Variants in GLUD1 observed in about 807,000 individuals in gnomAD.
GLUD1 encodes glutamate dehydrogenase 1, mitochondrial.
A neutral mutation model predicts 56.0 loss-of-function variants in GLUD1; 22 were observed. The ratio of observed to expected loss-of-function variants is 0.39; its 90% confidence interval spans 0.28 to 0.56. The LOEUF (loss-of-function observed/expected upper bound fraction) is 0.56, where lower values mean the gene tolerates loss of function less well. Ranked by LOEUF, GLUD1 falls within the 20% of genes least tolerant of loss-of-function variation. The pLI is 0.58. For missense variants in GLUD1, 451 were observed against 732.0 expected, an observed-to-expected ratio of 0.62 and a Z score of 4.43; for synonymous variants, 223 against 269.9, an observed-to-expected ratio of 0.83 and a Z score of 1.70.
chr10:87,074,905 T>C (rs1470627197), intron 3 of GLUD1, among the ~76,000 whole-genome samples: 1 of 152,198 alleles, frequency 6.6e-6, no homozygotes, highest in African/African-American at 2.4e-5. Flanking sequence ...ATAATTATAT[T>C]CCATTTAAAT....
rs1841646732 is a variant in GLUD1 at position 87,094,250 on chromosome 10, C to T, written c.445+75G>A. ...GCTGGGCTGGGCTGAGCAGCGGCCC[C>T]GCACCGGCAGGAGGCCGGAGGGGAG... On this transcript the variant is annotated intron_variant, in intron 1 of 12. Coordinates refer to ENST00000277865, the MANE Select transcript of GLUD1 (RefSeq NM_005271.5). This position sits in a 1 kb window ranked among gnomAD's most constrained non-coding sequence, Gnocchi z 6.6. The T allele has an allele frequency of 1.3e-6, 2 of 1,519,792 alleles. No individual in the cohort carries two copies. The highest frequency in any genetic ancestry group is 2.0e-5 in the Admixed American group (1 of 50,582). 94.1% of individuals were successfully genotyped at this position (1,519,792 alleles called of 1,614,324 possible).
chr10:87,082,549 C>T (rs912064401), intron 1 of GLUD1, among the ~76,000 whole-genome samples: 1 of 152,122 alleles, frequency 6.6e-6, no homozygotes, highest in Non-Finnish European at 1.5e-5. Context: ...AAAGTACCAG[C>T]TTAGTGGAAG....
intron 1 of GLUD1, among the ~76,000 whole-genome samples, chr10:87,086,667 CAAAA>C: frequency 8.0e-6 from 1 of 125,178 alleles, no homozygotes; most frequent in East Asian, 2.2e-4. Flanking sequence ...ACTAAAAATA[CAAAA>C]AAAAAAAAAA....
chr10:87,082,321 G>A (rs1160104416), intron 1 of GLUD1, among the ~76,000 whole-genome samples: 3 of 152,238 alleles, frequency 2.0e-5, no homozygotes, highest in African/African-American at 7.2e-5. Context: ...GTCAGAAACT[G>A]TGTGTGTATA....
rs1285140190 is a variant in GLUD1 at position 87,052,668 on chromosome 10, T to TAAAAAAAAAAA, written c.1557+673_1557+674insTTTTTTTTTTT. Among the ~76,000 whole-genome samples the TAAAAAAAAAAA allele has an allele frequency of 9.2e-3, 152 of 16,550 alleles. 3 individuals are homozygous for TAAAAAAAAAAA. Among genetic ancestry groups the TAAAAAAAAAAA allele is most frequent in the Middle Eastern group, 0.024 (1 of 42 alleles). The allele number at this position is 16,550 out of a possible 152,430, so 10.9% of individuals were successfully genotyped here. A position where few individuals can be genotyped will look rare whatever the true frequency, so the allele number is the denominator to read the frequency against. The stretch of plus-strand genomic sequence containing the variant: ...CTGGGCAACAGGGCAAAACTCCGTC[T>TAAAAAAAAAAA]CAAAAAAAAAAAAAAAAAAAAAAAA... On this transcript the variant is annotated intron_variant, in intron 12 of 12. Transcript: ENST00000277865.
At chr10:87,069,333 G>T (rs1319396121) in intron 4 of GLUD1, among the ~76,000 whole-genome samples, 1 of 151,906 alleles carries the variant, frequency 6.6e-6, no homozygotes, top group African/African-American at 2.4e-5. Context: ...TGACCAACAT[G>T]GTGAAACCCT....
intron 5 of GLUD1, among the ~76,000 whole-genome samples, chr10:87,065,030 T>G (rs1175291542): frequency 6.6e-6 from 1 of 152,140 alleles, no homozygotes; most frequent in Non-Finnish European, 1.5e-5. Context: ...TAGGGCTTGA[T>G]TTTAGATTTC....
Position 87,094,765 on chromosome 10 carries a change from T to C in GLUD1, c.5A>G (p.Tyr2Cys), listed in dbSNP as rs1841685242. Residue 2 changes from tyrosine to cysteine, a missense_variant, in exon 1 of 13, where the codon TAC (tyrosine) becomes TGC (cysteine). Around this residue, in one of 4 missense-constraint regions of GLUD1, gnomAD observed 158 missense variants for 189.7 expected, o/e 0.83. Transcript: ENST00000277865. This position sits in a 1 kb window ranked among gnomAD's most constrained non-coding sequence, Gnocchi z 6.6. M[Y>C]RYLGEALLLS... ...CAACAGCGCTTCGCCCAGGTAGCGG[T>C]ACATGGCCACAAGCGGAGGGGAGGT... 1.3e-6 allele frequency: 2 copies of C among 1,535,418 alleles called. No individual in the cohort carries two copies. Among genetic ancestry groups the C allele is most frequent in the South Asian group, 1.2e-5 (1 of 85,570 alleles).
chr10:87,065,824 T>C (rs1462790241), intron 5 of GLUD1, among the ~76,000 whole-genome samples: 2 of 152,216 alleles, frequency 1.3e-5, no homozygotes, highest in East Asian at 3.8e-4. Flanking sequence ...AAGTAGGTAC[T>C]ATTACTACTG....
At chr10:87,092,569 A>T (rs1351201277) in intron 1 of GLUD1, 1 of 923,202 alleles carries the variant, frequency 1.1e-6, no homozygotes, top group Non-Finnish European at 1.3e-6. Context: ...GCAACAAGAG[A>T]AAGAGGACTC....
intron 1 of GLUD1, chr10:87,089,440 A>G (rs1841461924): frequency 6.0e-6 from 1 of 165,602 alleles, no homozygotes; most frequent in Non-Finnish European, 1.2e-5. Context: ...GCAATGATAC[A>G]TGAAAAGTTC....
In GLUD1 at chr10:87,094,780, G is replaced by C; in HGVS notation, c.-11C>G. The C allele has an allele frequency of 6.5e-7, 1 of 1,530,884 alleles. No individual in the cohort carries two copies. Among genetic ancestry groups the C allele is most frequent in the South Asian group, 1.2e-5 (1 of 85,450 alleles). 94.8% of individuals were successfully genotyped at this position (1,530,884 alleles called of 1,614,324 possible). ...CAGGTAGCGGTACATGGCCACAAGC[G>C]GAGGGGAGGTGCGTGATGGTCGCGA... is the stretch of plus-strand genomic sequence containing the variant. On this transcript the variant is annotated 5_prime_UTR_variant, in exon 1 of 13. Transcript: ENST00000277865. This position sits in a 1 kb window ranked among gnomAD's most constrained non-coding sequence, Gnocchi z 6.6.
rs771324144 is a variant in GLUD1 at position 87,094,643 on chromosome 10, G to A, written c.127C>T (p.Pro43Ser). 6.2e-7 allele frequency: 1 copy of A among 1,605,022 alleles called. No homozygotes were observed. Among genetic ancestry groups the A allele is most frequent in the Non-Finnish European group, 8.5e-7 (1 of 1,176,856 alleles). ...CGCCGGGCGGCCAATGCCAGCCCCG[G>A]CTGCGGGGCGGCGGCGGGCTGTCCC... The part of the protein sequence containing the change: ...ARGQPAAAPQ[P>S]GLALAARRHY... The change falls in exon 1 of 13, where the codon CCG becomes TCG. Residue 43 changes from proline to serine, a missense_variant. By Grantham distance (74) the Pro-to-Ser change is moderately conservative. Around this residue, in one of 4 missense-constraint regions of GLUD1, gnomAD observed 158 missense variants for 189.7 expected, o/e 0.83. Transcript: ENST00000277865. This position sits in a 1 kb window ranked among gnomAD's most constrained non-coding sequence, Gnocchi z 6.6.
chr10:87,066,628 G>T (rs947193334), intron 5 of GLUD1, among the ~76,000 whole-genome samples: 1 of 152,148 alleles, frequency 6.6e-6, no homozygotes, highest in Non-Finnish European at 1.5e-5. Flanking sequence ...AGACCAGAAG[G>T]TTTTATCTCC....
chr10:87,077,892 A>G (rs1815525230), intron 1 of GLUD1, among the ~76,000 whole-genome samples: 1 of 152,038 alleles, frequency 6.6e-6, no homozygotes, highest in South Asian at 2.1e-4. Flanking sequence ...GGGAGTCACA[A>G]GTAAGTAATG....
Position 87,060,941 on chromosome 10 carries a change from G to A in GLUD1, c.1033C>T (p.Pro345Ser). Reference sequence around the variant, plus strand: ...AATTTGAAGTCTTCCAGTTCCTTTGGGTCAATACCATCTGGATTCCATATA... The same window carrying A: ...AATTTGAAGTCTTCCAGTTCCTTTGAGTCAATACCATCTGGATTCCATATA... ...GSIWNPDGID[P>S]KELEDFKLQH... Residue 345 changes from proline to serine, a missense_variant, in exon 7 of 13, where the codon CCA becomes TCA. Physicochemically the swap from Pro to Ser is moderately conservative, Grantham distance 74. This residue lies in a region of GLUD1 where 248 missense variants were observed against 460.0 expected (regional missense o/e 0.54). Transcript: ENST00000277865. 1 of 1,613,920 alleles carries A rather than the reference G, an allele frequency of 6.2e-7. No individual in the cohort carries two copies. Among genetic ancestry groups the A allele is most frequent in the Non-Finnish European group, 8.5e-7 (1 of 1,179,928 alleles).
chr10:87,092,789 G>T (rs1441790737), intron 1 of GLUD1: 1 of 156,068 alleles, frequency 6.4e-6, no homozygotes. Context: ...CTTGATGTCC[G>T]TTTTAAGAAA....
chr10:87,080,072 C>T (rs1201008580), intron 1 of GLUD1, among the ~76,000 whole-genome samples: 1 of 151,792 alleles, frequency 6.6e-6, no homozygotes, highest in African/African-American at 2.4e-5. Context: ...CGAGTGCCTG[C>T]GATTGCAGGC....
chr10:87,082,486 G>A (rs150976101), intron 1 of GLUD1, among the ~76,000 whole-genome samples: 715 of 152,296 alleles, frequency 4.7e-3, no homozygotes, highest in Middle Eastern at 0.024. Context: ...ATTTTCTGTA[G>A]GCTATGAACC....
Sources: gnomAD v4.1 joint callset for allele counts (sites outside exome capture counted in the v4.1 genomes callset) on GRCh38, gnomAD v4.1.1 for gene constraint, gnomAD v4.1.1 regional missense constraint, Gnocchi (gnomAD v3.1) non-coding constraint, MANE v1.5 for transcripts, NCBI Gene and HGNC (gene_info 2026-07-23, HGNC 2026-07-21) for gene names.